PCDHA3: variants seen among roughly 807,000 people sequenced by gnomAD.
The protein encoded by PCDHA3 is protocadherin alpha-3.
In PCDHA3, 41 loss-of-function variants were observed where a neutral mutation model predicts 62.2. That is an observed-to-expected ratio of 0.66 (90% CI 0.51 to 0.86). The LOEUF is 0.86. Among genes scored for constraint, PCDHA3 ranks in the 40% least tolerant of loss-of-function variants. The pLI is 0.00. For missense variants in PCDHA3, 1,304 were observed against 1,241.2 expected (o/e 1.05, Z -0.76); for synonymous variants, 640 against 555.4 (o/e 1.15, Z -2.14).
intron 1 of PCDHA3, among the ~76,000 whole-genome samples, chr5:140,978,099 C>T (rs547323907): frequency 1.1e-4 from 17 of 152,292 alleles, no homozygotes; most frequent in African/African-American, 3.6e-4. Flanking sequence ...ACATAACTCC[C>T]CCAACAGTCT....
At chr5:140,978,222 G>A (rs997273847) in intron 1 of PCDHA3, among the ~76,000 whole-genome samples, 7 of 152,298 alleles carry the variant, frequency 4.6e-5, no homozygotes, top group East Asian at 1.9e-4. Context: ...AATGTATCAG[G>A]TTTTTCTTGG....
chr5:140,863,001 C>A, intron 1 of PCDHA3: 1 of 550,202 alleles, frequency 1.8e-6, no homozygotes, highest in South Asian at 1.4e-5. Context: ...ACGGTGGACT[C>A]CAGCTATGAC....
rs375716587 is a variant in PCDHA3 at position 140,871,025 on chromosome 5, C to T, written c.2394+67434C>T. ...ACGCGTGCCCTGGACGAGGCAGACT[C>T]GCCGCGCCACCGACTTCTAGTACTG... On this transcript the variant is annotated intron_variant, in intron 1 of 3. Transcript: ENST00000522353. 13 of 1,613,228 alleles carry T rather than the reference C, an allele frequency of 8.1e-6. No homozygotes were observed. Among genetic ancestry groups the T allele is most frequent in the Admixed American group, 1.7e-5 (1 of 60,010 alleles).
chr5:140,925,108 G>GGAAGGAAGGAAGGAA (rs1554202548), intron 1 of PCDHA3, among the ~76,000 whole-genome samples: 36 of 124,780 alleles, frequency 2.9e-4, no homozygotes, highest in African/African-American at 1.2e-3. Context: ...GAAGGAAGGA[G>GGAAGGAAGGAAGGAA]GGAAGGAAGG....
At chr5:140,803,625 C>A (rs782061277) in intron 1 of PCDHA3, 34 bp downstream of exon 1, 2 of 1,613,858 alleles carry the variant, frequency 1.2e-6, no homozygotes, top group Non-Finnish European at 1.7e-6. Context: ...TCCAAAATGT[C>A]TTTGTTTTTC....
rs782497691 is a variant in PCDHA3 at position 140,856,769 on chromosome 5, T to C, written c.2394+53178T>C. On this transcript the variant is annotated intron_variant, in intron 1 of 3. Transcript: ENST00000522353. ...AGATGCCAATGATAACGCCCCTATC[T>C]TTGACAGACCGGTTTATGAAGTTAA... is the stretch of plus-strand genomic sequence containing the variant. 1.8e-5 allele frequency: 28 copies of C among 1,596,572 alleles called. 4 individuals carry two copies. The highest frequency in any genetic ancestry group is 2.4e-5 in the Non-Finnish European group (28 of 1,166,742).
intron 1 of PCDHA3, chr5:140,860,193 A>T (rs1054138940): frequency 6.9e-6 from 1 of 145,758 alleles, no homozygotes; most frequent in Non-Finnish European, 1.5e-5. Context: ...CTCTCCTTAC[A>T]TATATATCTA....
chr5:140,870,714 C>G (rs2052324296), intron 1 of PCDHA3: 3 of 1,613,110 alleles, frequency 1.9e-6, no homozygotes, highest in Non-Finnish European at 8.5e-7. Context: ...TGAGCGCGCG[C>G]GATGCGGGCG....
intron 1 of PCDHA3, among the ~76,000 whole-genome samples, chr5:140,820,184 T>C (rs1404871030): frequency 2.6e-5 from 4 of 151,968 alleles, no homozygotes; most frequent in Non-Finnish European, 5.9e-5. Context: ...GTCTGGGAAA[T>C]TGATTTGTGT....
At chr5:140,850,428 C>T (rs2150483973) in intron 1 of PCDHA3, 1 of 1,597,938 alleles carries the variant, frequency 6.3e-7, no homozygotes, top group Admixed American at 1.7e-5. Context: ...CGCACCGCGC[C>T]AGCGCCTACT....
At chr5:140,824,409 A>G (rs1472430653) in intron 1 of PCDHA3, 3 of 535,638 alleles carry the variant, frequency 5.6e-6, no homozygotes, top group Non-Finnish European at 9.8e-6. Context: ...ATTGTAAGAC[A>G]TAGTTTGGAG....
intron 1 of PCDHA3, chr5:140,870,420 G>T (rs371557347): frequency 1.4e-5 from 23 of 1,614,116 alleles, no homozygotes; most frequent in Non-Finnish European, 1.9e-5. Flanking sequence ...CCACGGCCAG[G>T]GTATCCGTGG....
intron 3 of PCDHA3, among the ~76,000 whole-genome samples, chr5:141,000,102 C>T (rs537991787): frequency 8.5e-5 from 13 of 152,172 alleles, no homozygotes; most frequent in East Asian, 5.8e-4. Context: ...AGCTCAACTC[C>T]GTCTCTTCCC....
intron 1 of PCDHA3, chr5:140,883,444 T>C: frequency 3.1e-6 from 5 of 1,614,170 alleles, no homozygotes; most frequent in Non-Finnish European, 4.2e-6. Context: ...TGACGCCGCA[T>C]GTCCCCTTCA....
intron 1 of PCDHA3, chr5:140,816,909 T>C (rs1766022832): frequency 6.6e-6 from 1 of 152,122 alleles, no homozygotes; most frequent in Non-Finnish European, 1.5e-5. Context: ...AAGCCCTCAG[T>C]TATAGATTCT....
At position 140,823,162 on chromosome 5, in the gene PCDHA3, G is replaced by C. The variant is rs2150122942; in HGVS notation, c.2394+19571G>C. 16 of 1,613,820 alleles carry C rather than the reference G, an allele frequency of 9.9e-6. 1 individual carries two copies. Among genetic ancestry groups the C allele is most frequent in the South Asian group, 2.2e-5 (2 of 91,082 alleles). ...CGCGCAGCCCCAGTATACCGTGTTCGTGAAGGAGAACAACCCGCCAGGCTG... is the reference window on the plus strand; with the variant it reads ...CGCGCAGCCCCAGTATACCGTGTTCCTGAAGGAGAACAACCCGCCAGGCTG... On this transcript the variant is annotated intron_variant, in intron 1 of 3. Transcript: ENST00000522353.
At chr5:140,839,890 G>T (rs1168165739) in intron 1 of PCDHA3, among the ~76,000 whole-genome samples, 2 of 151,956 alleles carry the variant, frequency 1.3e-5, no homozygotes, top group Non-Finnish European at 2.9e-5. Context: ...AATTTTGACA[G>T]AAAAAGATGA....
intron 1 of PCDHA3, chr5:140,857,534 C>G: frequency 1.9e-6 from 3 of 1,597,458 alleles, no homozygotes; most frequent in Non-Finnish European, 2.6e-6. Flanking sequence ...TCTGGTGGAG[C>G]GGCGGTTGGG....
intron 1 of PCDHA3, chr5:140,877,029 G>A (rs782501659): frequency 4.7e-5 from 75 of 1,612,228 alleles, no homozygotes; most frequent in Middle Eastern, 2.0e-4. Context: ...AGGTGTACGC[G>A]CTGCAGCCGC....
Sources: gnomAD v4.1 joint callset for allele counts (sites outside exome capture counted in the v4.1 genomes callset) on GRCh38, gnomAD v4.1.1 for gene constraint, MANE v1.5 for transcripts, NCBI Gene and HGNC (gene_info 2026-07-23, HGNC 2026-07-21) for gene names.